Variants in SOX5 observed in about 807,000 individuals in gnomAD.
SOX5 encodes the protein SRY-box transcription factor 5, also known as transcription factor SOX-5.
Under a neutral mutation model 92.0 loss-of-function variants are expected in SOX5, and 9 were observed. The ratio of observed to expected loss-of-function variants is 0.10; its 90% confidence interval spans 0.06 to 0.17. The LOEUF is 0.17. SOX5 is among the 10% of genes least tolerant of loss of function. The pLI is 1.00. For missense variants in SOX5, 642 were observed against 944.5 expected, an observed-to-expected ratio of 0.68 and a Z score of 4.20; for synonymous variants, 344 against 336.3, an observed-to-expected ratio of 1.02 and a Z score of -0.25.
chr12:24,282,106 A>AT (rs1410173529), intron 2 of SOX5, among the ~76,000 whole-genome samples: 1 of 152,224 alleles, frequency 6.6e-6, no homozygotes, highest in Non-Finnish European at 1.5e-5. Flanking sequence ...GTACTTTGCT[A>AT]TGCTGTTGTT....
chr12:24,127,723 G>A (rs1172531940), intron 4 of SOX5, among the ~76,000 whole-genome samples: 8 of 152,036 alleles, frequency 5.3e-5, no homozygotes, highest in African/African-American at 1.7e-4. Context: ...TCTTTGGGAG[G>A]GGTATGATAC....
At chr12:24,122,228 G>A (rs911145223) in intron 4 of SOX5, among the ~76,000 whole-genome samples, 1 of 152,178 alleles carries the variant, frequency 6.6e-6, no homozygotes, top group African/African-American at 2.4e-5. Flanking sequence ...ATTGTAACAG[G>A]AGATGAAACG....
intron 3 of SOX5, among the ~76,000 whole-genome samples, chr12:23,826,074 G>T (rs921154073): frequency 6.6e-6 from 1 of 151,880 alleles, no homozygotes; most frequent in Non-Finnish European, 1.5e-5. Context: ...TGTACAATGT[G>T]CAGGTTAGTT....
intron 1 of SOX5, among the ~76,000 whole-genome samples, chr12:24,535,957 G>A: frequency 6.6e-6 from 1 of 151,358 alleles, no homozygotes; most frequent in East Asian, 1.9e-4. Context: ...AAGTCTCTCA[G>A]TAGCACTTTG....
intron 1 of SOX5, among the ~76,000 whole-genome samples, chr12:24,547,147 C>A (rs1324578322): frequency 6.6e-6 from 1 of 150,842 alleles, no homozygotes; most frequent in Non-Finnish European, 1.5e-5. Context: ...TATAAGAGAG[C>A]CAAATAGTGA....
At chr12:23,725,111 T>C (rs779772178) in intron 6 of SOX5, among the ~76,000 whole-genome samples, 1 of 152,132 alleles carries the variant, frequency 6.6e-6, no homozygotes, top group Non-Finnish European at 1.5e-5. Context: ...AGGCAAATGG[T>C]ATCATATTCA....
chr12:23,589,880 G>A (rs529108140), intron 9 of SOX5, among the ~76,000 whole-genome samples: 2 of 151,890 alleles, frequency 1.3e-5, no homozygotes, highest in African/African-American at 2.4e-5. Context: ...TATTGTGCTT[G>A]GTGCTAAGGA....
chr12:24,294,902 C>G (rs781568626), intron 2 of SOX5, among the ~76,000 whole-genome samples: 12 of 152,168 alleles, frequency 7.9e-5, no homozygotes, highest in Non-Finnish European at 1.5e-4. Flanking sequence ...TTTTCTGAAA[C>G]CTTTCCTGTT....
intron 7 of SOX5, among the ~76,000 whole-genome samples, chr12:23,642,223 A>G (rs948604535): frequency 6.6e-6 from 1 of 152,098 alleles, no homozygotes; most frequent in African/African-American, 2.4e-5. Context: ...TTCTAAAGAG[A>G]GTCTCCCAGG....
intron 4 of SOX5, among the ~76,000 whole-genome samples, chr12:23,964,790 T>C (rs1434571430): frequency 6.6e-6 from 1 of 152,254 alleles, no homozygotes; most frequent in South Asian, 2.1e-4. Context: ...TAAATACATA[T>C]ATATGGGCAT....
intron 9 of SOX5, chr12:23,582,044 T>G: frequency 1.9e-6 from 1 of 519,524 alleles, no homozygotes; most frequent in Non-Finnish European, 2.5e-6. Flanking sequence ...TCATGAAACA[T>G]GTTGCAAAAT....
chr12:24,286,143 T>G (rs1350156146), intron 2 of SOX5, among the ~76,000 whole-genome samples: 2 of 152,142 alleles, frequency 1.3e-5, no homozygotes, highest in Non-Finnish European at 2.9e-5. Flanking sequence ...CTTGCAATGT[T>G]TGACAATCAC....
intron 6 of SOX5, among the ~76,000 whole-genome samples, chr12:23,689,110 A>G (rs1437350149): frequency 1.3e-5 from 2 of 152,222 alleles, no homozygotes; most frequent in East Asian, 3.9e-4. Context: ...TACTAAGTCA[A>G]TATCAATTTT....
chr12:23,837,283 A>G (rs1190179955), intron 3 of SOX5, among the ~76,000 whole-genome samples: 1 of 103,932 alleles, frequency 9.6e-6, no homozygotes, highest in African/African-American at 3.7e-5. Context: ...ATGTATTTAT[A>G]TTTATATTTA....
intron 7 of SOX5, among the ~76,000 whole-genome samples, chr12:23,646,147 G>C (rs977833044): frequency 3.3e-5 from 5 of 152,034 alleles, no homozygotes; most frequent in Non-Finnish European, 5.9e-5. Flanking sequence ...TGAAGGTTAG[G>C]GTAGCTAACC....
In SOX5 at chr12:23,559,383, G is replaced by A. The variant is rs957952675; in HGVS notation, c.1488+3875C>T. On this transcript the variant is annotated intron_variant, in intron 11 of 14. Transcript: ENST00000451604. ...TACAATCAGTCTACAATTAACCAGAGATGACAATTATAAATAACACTGTGT... is the reference window on the plus strand; with the variant it reads ...TACAATCAGTCTACAATTAACCAGAAATGACAATTATAAATAACACTGTGT... 5.3e-5 allele frequency among the ~76,000 whole-genome samples: 8 copies of A among 152,118 alleles called. No individual in the cohort carries two copies. In the East Asian group the frequency reaches 5.8e-4, roughly 11 times the overall value.
chr12:23,731,000 C>T (rs1183306582), intron 6 of SOX5, among the ~76,000 whole-genome samples: 1 of 152,158 alleles, frequency 6.6e-6, no homozygotes, highest in Non-Finnish European at 1.5e-5. Flanking sequence ...TTCACCCTCT[C>T]AATGTGGGCA....
At chr12:24,007,822 CAT>C (rs1161449128) in intron 4 of SOX5, among the ~76,000 whole-genome samples, 295 of 27,420 alleles carry the variant, frequency 0.011, 22 homozygotes, top group Middle Eastern at 0.075. Context: ...CACACACACA[CAT>C]ATATATATAT....
chr12:23,838,871 G>A (rs1263957588), intron 3 of SOX5, among the ~76,000 whole-genome samples: 5 of 132,252 alleles, frequency 3.8e-5, no homozygotes, highest in Non-Finnish European at 6.3e-5. Context: ...ATGGAGTCTC[G>A]CTTTGTCACC....
Sources: allele counts gnomAD v4.1 joint callset (sites outside exome capture counted in the v4.1 genomes callset), GRCh38; gene constraint gnomAD v4.1.1; transcripts MANE v1.5; gene names NCBI Gene and HGNC (gene_info 2026-07-23, HGNC 2026-07-21).